Variants in FHOD3 observed in about 807,000 individuals in gnomAD.
The protein encoded by FHOD3 is formin homology 2 domain containing 3.
Under a neutral mutation model 173.0 loss-of-function variants are expected in FHOD3, and 90 were observed. The ratio of observed to expected loss-of-function variants is 0.52; its 90% confidence interval spans 0.44 to 0.62. The LOEUF (loss-of-function observed/expected upper bound fraction) is 0.62. Ranked by LOEUF, FHOD3 falls within the 20% of genes least tolerant of loss-of-function variation. The pLI is 0.00. For synonymous variants in FHOD3, 828 were observed against 823.0 expected (o/e 1.01, Z -0.10); for missense variants, 1,945 against 2,034.7 (o/e 0.96, Z 0.85).
chr18:36,330,923 G>A (rs1002443974), intron 1 of FHOD3, among the ~76,000 whole-genome samples: 3 of 152,170 alleles, frequency 2.0e-5, no homozygotes, highest in Admixed American at 2.0e-4. Flanking sequence ...GGCCCAGAGT[G>A]AGCATGCTCA....
intron 7 of FHOD3, among the ~76,000 whole-genome samples, chr18:36,595,867 C>G (rs148520165): frequency 5.8e-4 from 89 of 152,174 alleles, no homozygotes; most frequent in Non-Finnish European, 1.1e-3. Flanking sequence ...CCCACAAAGA[C>G]TCAAGAACAA....
At chr18:36,641,503 C>A (rs780727039) in intron 10 of FHOD3, among the ~76,000 whole-genome samples, 2 of 152,192 alleles carry the variant, frequency 1.3e-5, no homozygotes, top group Admixed American at 6.5e-5. Context: ...TTTGCTTCAA[C>A]AGCATGGCAG....
In FHOD3 at chr18:36,779,599, G is replaced by T; in HGVS notation, c.*69G>T. 7.1e-7 allele frequency: 1 copy of T among 1,407,430 alleles called. No individual in the cohort carries two copies. 87.2% of individuals were successfully genotyped at this position (1,407,430 alleles called of 1,614,324 possible). On this transcript the variant is annotated 3_prime_UTR_variant, in exon 29 of 29. Coordinates refer to ENST00000590592, the MANE Select transcript of FHOD3 (RefSeq NM_001281740.3). ...CTCTTGCTGGATGAAACCCCTCCAG[G>T]TGGGGTTGGGGAGACTTGATATTCA...
chr18:36,724,741 CAAAT>C (rs968824045), intron 19 of FHOD3, among the ~76,000 whole-genome samples: 3 of 152,206 alleles, frequency 2.0e-5, no homozygotes, highest in African/African-American at 7.2e-5. Context: ...AAAACAAAAA[CAAAT>C]AAAAGCCTTA....
chr18:36,743,999 G>A (rs2042031614), intron 22 of FHOD3, 33 bp from the exon 23 acceptor site: 3 of 1,612,954 alleles, frequency 1.9e-6, no homozygotes, highest in Middle Eastern at 1.7e-4. Flanking sequence ...GAGCCTGCTT[G>A]AAACATGTCT....
chr18:36,380,541 CTCTTTCTTTTGTTTTCTTT>C (rs1314356694), intron 3 of FHOD3, among the ~76,000 whole-genome samples: 16 of 127,488 alleles, frequency 1.3e-4, no homozygotes, highest in African/African-American at 3.2e-4. Flanking sequence ...CCCTTTCTCT[CTCTTTCTTTTGTTTTCTTT>C]TCTTTTCTTT....
At chr18:36,380,122 G>T (rs1236802654) in intron 3 of FHOD3, among the ~76,000 whole-genome samples, 1 of 152,128 alleles carries the variant, frequency 6.6e-6, no homozygotes, top group Non-Finnish European at 1.5e-5. Context: ...ACCAGTTCAA[G>T]ATTTATTTTA....
At chr18:36,550,583 G>A (rs903235818) in intron 5 of FHOD3, among the ~76,000 whole-genome samples, 3 of 151,800 alleles carry the variant, frequency 2.0e-5, no homozygotes, top group African/African-American at 7.3e-5. Flanking sequence ...TCTATGACAT[G>A]ATATATCTCT....
At chr18:36,410,352 G>T (rs1268694500) in intron 3 of FHOD3, among the ~76,000 whole-genome samples, 1 of 151,982 alleles carries the variant, frequency 6.6e-6, no homozygotes, top group East Asian at 1.9e-4. Context: ...ATTCCTTTTT[G>T]TGGCTAATAT....
chr18:36,491,660 A>G (rs901396629), intron 3 of FHOD3, among the ~76,000 whole-genome samples: 4 of 149,830 alleles, frequency 2.7e-5, no homozygotes, highest in Non-Finnish European at 4.4e-5. Flanking sequence ...GGAGTTCACT[A>G]TGTATGTGTA....
At chr18:36,685,729 A>G (rs1017619337) in intron 15 of FHOD3, among the ~76,000 whole-genome samples, 5 of 152,198 alleles carry the variant, frequency 3.3e-5, no homozygotes, top group Non-Finnish European at 7.3e-5. Context: ...TATTTAAACT[A>G]TATTATGAGG....
chr18:36,325,265 C>T, intron 1 of FHOD3, among the ~76,000 whole-genome samples: 1 of 151,496 alleles, frequency 6.6e-6, no homozygotes, highest in East Asian at 1.9e-4. Context: ...TATGGATGTG[C>T]TCACTATGAG....
chr18:36,693,233 A>C lies in FHOD3; in HGVS notation c.2046A>C (p.Ala682=). 7 of 1,613,750 alleles carry C rather than the reference A, an allele frequency of 4.3e-6. No homozygotes were observed. Among genetic ancestry groups the C allele is most frequent in the Non-Finnish European group, 5.9e-6 (7 of 1,179,802 alleles). ...GATACAAATACTTGGAACAGTTGGC[A>C]GCTGAGGAGCACGAGAAGGAGCTGA... is the stretch of plus-strand genomic sequence containing the variant. ...EERYKYLEQL[A]AEEHEKELRS... Residue 682 remains alanine, a synonymous_variant, in exon 17 of 29, where the codon GCA becomes GCC. Transcript: ENST00000590592.
chr18:36,666,625 T>A (rs545698226), intron 14 of FHOD3, among the ~76,000 whole-genome samples: 1 of 152,372 alleles, frequency 6.6e-6, no homozygotes, highest in African/African-American at 2.4e-5. Context: ...ATTTCAAGTA[T>A]CAGATATTTT....
chr18:36,557,980 A>G (rs765070358), intron 5 of FHOD3, among the ~76,000 whole-genome samples: 4 of 152,198 alleles, frequency 2.6e-5, no homozygotes, highest in Admixed American at 6.5e-5. Context: ...GTTGTGCCCT[A>G]TGCCCCAAGA....
At chr18:36,512,724 A>T (rs533764269) in intron 5 of FHOD3, among the ~76,000 whole-genome samples, 181 bp downstream of exon 5, 18 of 152,244 alleles carry the variant, frequency 1.2e-4, no homozygotes, top group Non-Finnish European at 2.2e-4. Context: ...GTTCCTAGTA[A>T]TTAGCAACTG....
At chr18:36,513,105 T>A (rs1453854672) in intron 5 of FHOD3, among the ~76,000 whole-genome samples, 2 of 151,970 alleles carry the variant, frequency 1.3e-5, no homozygotes, top group African/African-American at 4.8e-5. Context: ...TGATTCCTGT[T>A]CCAGTTTATA....
At chr18:36,457,590 C>T (rs7238168) in intron 3 of FHOD3, among the ~76,000 whole-genome samples, 22,500 of 151,654 alleles carry the variant, frequency 0.15, 3,878 homozygotes, top group African/African-American at 0.41. Context: ...CTTTTATTGG[C>T]AGAGCTGAAA....
chr18:36,488,855 G>A (rs1299881316), intron 3 of FHOD3, among the ~76,000 whole-genome samples: 3 of 152,192 alleles, frequency 2.0e-5, no homozygotes, highest in East Asian at 3.9e-4. Flanking sequence ...GCAGGCACAG[G>A]TACAGTGTCA....
Sources: allele counts gnomAD v4.1 joint callset (sites outside exome capture counted in the v4.1 genomes callset), GRCh38; gene constraint gnomAD v4.1.1; transcripts MANE v1.5; gene names NCBI Gene and HGNC (gene_info 2026-07-23, HGNC 2026-07-21).